Variants in DLG5 observed in about 807,000 individuals in gnomAD.
DLG5 encodes the protein disks large homolog 5.
DLG5 carries 48 observed loss-of-function variants against 189.8 expected under a neutral mutation model. That is an observed-to-expected ratio of 0.25 (90% confidence interval 0.20 to 0.32). DLG5 has a LOEUF of 0.32. Ranked by LOEUF, DLG5 falls within the 10% of genes least tolerant of loss-of-function variation. The pLI is 1.00. For synonymous variants in DLG5, 1,016 were observed against 1,054.1 expected, an observed-to-expected ratio of 0.96 and a Z score of 0.70; for missense variants, 2,160 against 2,544.7, an observed-to-expected ratio of 0.85 and a Z score of 3.25.
In DLG5 at chr10:77,826,090, G is replaced by C. The variant is rs56402185; in HGVS notation, c.2290-1614C>G. 5.3e-5 allele frequency among the ~76,000 whole-genome samples: 8 copies of C among 151,960 alleles called. No homozygotes were observed. In the South Asian group the frequency reaches 1.7e-3, roughly 32 times the overall value. On this transcript the variant is annotated intron_variant, in intron 13 of 31. Transcript: ENST00000372391. ...AAGCCATGACCTTTTTGGAGCAAAG[G>C]GGGAAGATCTCGCTGGATGTTAAAC...
intron 1 of DLG5, among the ~76,000 whole-genome samples, chr10:77,925,489 C>G (rs1327874535): frequency 1.3e-5 from 2 of 152,174 alleles, no homozygotes; most frequent in African/African-American, 2.4e-5. Context: ...CAGTCATCCC[C>G]AAGACCAAAG....
chr10:77,885,128 C>G (rs986391204), intron 1 of DLG5, among the ~76,000 whole-genome samples: 16 of 152,166 alleles, frequency 1.1e-4, no homozygotes, highest in African/African-American at 3.9e-4. Context: ...GCCCTAAAAC[C>G]CTATAGCAAG....
At chr10:77,927,112 C>G (rs1364310734), upstream of DLG5, 1 of 173,702 alleles carries the variant, frequency 5.8e-6, no homozygotes, top group Non-Finnish European at 1.2e-5. Flanking sequence ...CGGCCCGTCC[C>G]TCCTCTCTCC....
At chr10:77,814,176 C>G (rs910814745) in intron 20 of DLG5, among the ~76,000 whole-genome samples, 1 of 151,926 alleles carries the variant, frequency 6.6e-6, no homozygotes, top group African/African-American at 2.4e-5. Flanking sequence ...CAGGGTTTCA[C>G]CATGTTGGCC....
At chr10:77,871,845 C>T (rs970531164) in intron 1 of DLG5, among the ~76,000 whole-genome samples, 10 of 152,068 alleles carry the variant, frequency 6.6e-5, no homozygotes, top group African/African-American at 2.2e-4. Flanking sequence ...GTCTGGCCTG[C>T]ATCACATGTT....
At chr10:77,887,648 C>CA (rs915402890) in intron 1 of DLG5, among the ~76,000 whole-genome samples, 3 of 151,754 alleles carry the variant, frequency 2.0e-5, no homozygotes, top group Non-Finnish European at 2.9e-5. Flanking sequence ...TAAAAACAAA[C>CA]AAAAAAAATA....
At chr10:77,820,100 C>G in intron 15 of DLG5, 82 bp from the exon 16 acceptor site, 1 of 1,565,304 alleles carries the variant, frequency 6.4e-7, no homozygotes, top group Non-Finnish European at 8.6e-7. Flanking sequence ...AATCCCAGCA[C>G]TCTGGGAGGC....
intron 27 of DLG5, among the ~76,000 whole-genome samples, chr10:77,802,638 G>C (rs946399469): frequency 6.6e-6 from 1 of 152,228 alleles, no homozygotes; most frequent in Non-Finnish European, 1.5e-5. Context: ...GTAATCCCGG[G>C]TGCAGTGCCT....
rs1277161522 is a variant in DLG5 at position 77,814,459 on chromosome 10, G to GTTTA, written c.4026-2086_4026-2083dup. ...ATTATGTACATAAATAATAAAGCAT[G>GTTTA]TTTATATATATATATATATATATAT... On this transcript the variant is annotated intron_variant, in intron 20 of 31. Coordinates refer to ENST00000372391, the MANE Select transcript of DLG5 (RefSeq NM_004747.4). Among the ~76,000 whole-genome samples the GTTTA allele has an allele frequency of 1.3e-4, 10 of 74,732 alleles. No homozygotes were observed. In the East Asian group the frequency reaches 1.7e-3, roughly 12 times the overall value. The allele number at this position is 74,732 out of a possible 152,430, so 49.0% of individuals were successfully genotyped here.
At chr10:77,883,484 T>A (rs1228216127) in intron 1 of DLG5, among the ~76,000 whole-genome samples, 1 of 151,690 alleles carries the variant, frequency 6.6e-6, no homozygotes, top group Non-Finnish European at 1.5e-5. Flanking sequence ...AGTTTCAGGC[T>A]AACACAGTCC....
chr10:77,825,146 C>T (rs910466773), intron 13 of DLG5, among the ~76,000 whole-genome samples: 3 of 152,046 alleles, frequency 2.0e-5, no homozygotes, highest in Non-Finnish European at 2.9e-5. Context: ...TCAAAACAGC[C>T]CAGCTCCAAA....
At chr10:77,908,450 T>C (rs1846127894) in intron 1 of DLG5, among the ~76,000 whole-genome samples, 1 of 152,066 alleles carries the variant, frequency 6.6e-6, no homozygotes, top group Non-Finnish European at 1.5e-5. Context: ...CCCAGCAGCC[T>C]CACAAGAGAA....
chr10:77,880,361 A>T (rs1234543966), intron 1 of DLG5, among the ~76,000 whole-genome samples: 1 of 152,130 alleles, frequency 6.6e-6, no homozygotes, highest in Non-Finnish European at 1.5e-5. Context: ...GGCTGGGGCA[A>T]GAGAATTGCT....
At chr10:77,887,771 A>G (rs746925762) in intron 1 of DLG5, among the ~76,000 whole-genome samples, 9 of 152,192 alleles carry the variant, frequency 5.9e-5, no homozygotes, top group Non-Finnish European at 1.2e-4. Context: ...GAAAATATCT[A>G]TTTTTAAAGT....
At chr10:77,892,409 A>C (rs1845636543) in intron 1 of DLG5, among the ~76,000 whole-genome samples, 1 of 152,194 alleles carries the variant, frequency 6.6e-6, no homozygotes, top group Non-Finnish European at 1.5e-5. Context: ...CTGACTTGGG[A>C]GCACTTTCAT....
the DLG5 span, among the ~76,000 whole-genome samples, chr10:77,937,740 C>CA: frequency 7.8e-6 from 1 of 128,348 alleles, no homozygotes; most frequent in African/African-American, 3.0e-5. Flanking sequence ...TTTTTTGAGA[C>CA]AGAGTTTCGC....
intron 25 of DLG5, 22 bp downstream of exon 25, chr10:77,807,774 C>A (rs1457098965): frequency 6.2e-7 from 1 of 1,607,920 alleles, no homozygotes; most frequent in Non-Finnish European, 8.5e-7. Context: ...AAATCTCCCA[C>A]CGATTCCCCA....
intron 1 of DLG5, among the ~76,000 whole-genome samples, chr10:77,885,418 C>T (rs116520590): frequency 1.8e-4 from 27 of 152,298 alleles, no homozygotes; most frequent in East Asian, 7.7e-4. Flanking sequence ...ATCTTTCACA[C>T]GTGGGCAATG....
In DLG5 at chr10:77,819,921, G is replaced by A. The variant is rs139360334; in HGVS notation, c.3500C>T (p.Pro1167Leu). Reference sequence around the variant, plus strand: ...CACAGACGGCCTGCTAGGGTATAGCGGGGGGTTGCTGTGCCGGCTGGAATG... The same window carrying A: ...CACAGACGGCCTGCTAGGGTATAGCAGGGGGTTGCTGTGCCGGCTGGAATG... ...PGHSSRHSNPPLYPSRPSVGT... is the reference protein window; with the variant it reads ...PGHSSRHSNPLLYPSRPSVGT... The change falls in exon 16 of 32, where the codon CCG becomes CTG. Residue 1167 changes from proline to leucine, a missense_variant. This residue lies in a region of DLG5 where 754 missense variants were observed against 746.5 expected (regional missense o/e 1.01). Transcript: ENST00000372391. 59 of 1,600,576 alleles carry A rather than the reference G, an allele frequency of 3.7e-5. No homozygotes were observed. In the African/African-American group the frequency reaches 5.1e-4, roughly 14 times the overall value.
Sources: gnomAD v4.1 joint callset for allele counts (sites outside exome capture counted in the v4.1 genomes callset) on GRCh38, gnomAD v4.1.1 for gene constraint, gnomAD v4.1.1 regional missense constraint, MANE v1.5 for transcripts, NCBI Gene and HGNC (gene_info 2026-07-23, HGNC 2026-07-21) for gene names.